MEOX2: variants seen among roughly 807,000 people sequenced by gnomAD.
MEOX2 encodes the protein mesenchyme homeobox 2.
MEOX2 carries 11 observed loss-of-function variants against 27.0 expected under a neutral mutation model. The observed-to-expected ratio is 0.41, with a 90% confidence interval of 0.26 to 0.68. The LOEUF (loss-of-function observed/expected upper bound fraction) is 0.68. Among genes scored for constraint, MEOX2 ranks in the 30% least tolerant of loss-of-function variants. The pLI, the probability that MEOX2 is intolerant of heterozygous loss-of-function variation, is 0.33. For synonymous variants in MEOX2, 189 were observed against 155.4 expected, an observed-to-expected ratio of 1.22 and a Z score of -1.61; for missense variants, 436 against 385.4, an observed-to-expected ratio of 1.13 and a Z score of -1.10.
intron 1 of MEOX2, 135 bp downstream of exon 1, chr7:15,685,751 C>T: frequency 7.8e-7 from 1 of 1,284,504 alleles, no homozygotes; most frequent in Admixed American, 2.3e-5. Context: ...CCGAATTTGG[C>T]CGCAGGAAGC....
chr7:15,622,957 A>G (rs145550068), intron 2 of MEOX2, among the ~76,000 whole-genome samples: 3 of 152,264 alleles, frequency 2.0e-5, no homozygotes, highest in East Asian at 1.9e-4. Flanking sequence ...ATGGAAGTCT[A>G]TGAAGAAGTG....
At chr7:15,677,174 A>T (rs531455035) in intron 1 of MEOX2, among the ~76,000 whole-genome samples, 1 of 152,242 alleles carries the variant, frequency 6.6e-6, no homozygotes, top group Non-Finnish European at 1.5e-5. Context: ...TTGTAATAAA[A>T]TGCAAACAGG....
At chr7:15,662,775 T>A (rs1424932962) in intron 1 of MEOX2, among the ~76,000 whole-genome samples, 1 of 152,204 alleles carries the variant, frequency 6.6e-6, no homozygotes, top group Non-Finnish European at 1.5e-5. Flanking sequence ...TATTTCGTAC[T>A]GAGATTTATA....
intron 1 of MEOX2, among the ~76,000 whole-genome samples, chr7:15,638,521 C>A (rs888015701): frequency 6.6e-6 from 1 of 151,980 alleles, no homozygotes; most frequent in African/African-American, 2.4e-5. Context: ...GGTTCAGAGG[C>A]GTACATGTGA....
intron 1 of MEOX2, among the ~76,000 whole-genome samples, chr7:15,630,488 G>C (rs890951524): frequency 6.6e-6 from 1 of 152,008 alleles, no homozygotes; most frequent in Non-Finnish European, 1.5e-5. Flanking sequence ...CTGGGTAAAC[G>C]TATTAGCTCG....
chr7:15,680,751 G>A (rs1782280592), intron 1 of MEOX2: 1 of 151,846 alleles, frequency 6.6e-6, no homozygotes, highest in African/African-American at 2.4e-5. Flanking sequence ...GAAACAAATT[G>A]TGACTACAAA....
intron 1 of MEOX2, 107 bp downstream of exon 1, chr7:15,685,779 T>G (rs1375082500): frequency 7.0e-7 from 1 of 1,433,226 alleles, no homozygotes; most frequent in Non-Finnish European, 9.3e-7. Flanking sequence ...GGCAACACAT[T>G]CCCATCTTCC....
intron 1 of MEOX2, among the ~76,000 whole-genome samples, chr7:15,659,255 T>C (rs918370905): frequency 6.6e-6 from 1 of 152,208 alleles, no homozygotes; most frequent in Admixed American, 6.5e-5. Flanking sequence ...CTAGGCAATG[T>C]TATTTTAAAA....
At chr7:15,684,352 CT>C (rs762701909) in intron 1 of MEOX2, among the ~76,000 whole-genome samples, 1 of 152,128 alleles carries the variant, frequency 6.6e-6, no homozygotes, top group Non-Finnish European at 1.5e-5. Context: ...AAATTGAAAC[CT>C]TTTTGCTATG....
At chr7:15,661,518 C>T (rs571823044) in intron 1 of MEOX2, among the ~76,000 whole-genome samples, 1 of 152,244 alleles carries the variant, frequency 6.6e-6, no homozygotes, top group South Asian at 2.1e-4. Flanking sequence ...CATCACTTTG[C>T]CAATGGGAGG....
At chr7:15,642,104 G>T (rs183406774) in intron 1 of MEOX2, among the ~76,000 whole-genome samples, 1 of 152,066 alleles carries the variant, frequency 6.6e-6, no homozygotes, top group Non-Finnish European at 1.5e-5. Context: ...TGTTCATCTT[G>T]TATGGCATCT....
At chr7:15,631,545 T>C (rs1781400919) in intron 1 of MEOX2, among the ~76,000 whole-genome samples, 1 of 151,882 alleles carries the variant, frequency 6.6e-6, no homozygotes, top group Non-Finnish European at 1.5e-5. Flanking sequence ...GCTAAAAGTT[T>C]TATGTAATAG....
intron 1 of MEOX2, among the ~76,000 whole-genome samples, chr7:15,628,458 T>C (rs1294235322): frequency 1.3e-5 from 2 of 152,140 alleles, no homozygotes; most frequent in Admixed American, 1.3e-4. Flanking sequence ...TTTCACTCAC[T>C]GGTGCACTGG....
chr7:15,630,094 T>A (rs1262544677), intron 1 of MEOX2, among the ~76,000 whole-genome samples: 2 of 152,020 alleles, frequency 1.3e-5, no homozygotes, highest in Non-Finnish European at 2.9e-5. Context: ...ACTACAATTG[T>A]TGTTTTTCGT....
At chr7:15,676,996 G>C (rs902775081) in intron 1 of MEOX2, among the ~76,000 whole-genome samples, 2 of 152,130 alleles carry the variant, frequency 1.3e-5, no homozygotes, top group Admixed American at 1.3e-4. Context: ...AAGAGGCTGT[G>C]GAATGGAAAT....
intron 1 of MEOX2, among the ~76,000 whole-genome samples, chr7:15,682,781 G>A (rs1405097771): frequency 1.3e-5 from 2 of 151,846 alleles, no homozygotes; most frequent in Admixed American, 6.6e-5. Context: ...AGAATCACCT[G>A]CTTTGTAGTG....
At chr7:15,669,034 A>G (rs1432021397) in intron 1 of MEOX2, among the ~76,000 whole-genome samples, 1 of 152,206 alleles carries the variant, frequency 6.6e-6, no homozygotes, top group East Asian at 1.9e-4. Context: ...AATTTGCAAA[A>G]AGTCAGATTT....
chr7:15,646,930 A>T (rs1430925816), intron 1 of MEOX2, among the ~76,000 whole-genome samples: 1 of 151,962 alleles, frequency 6.6e-6, no homozygotes, highest in Non-Finnish European at 1.5e-5. Flanking sequence ...TATTTGCTAC[A>T]TTAAAGGCAA....
At chr7:15,671,257 T>G (rs975321499) in intron 1 of MEOX2, among the ~76,000 whole-genome samples, 4 of 152,220 alleles carry the variant, frequency 2.6e-5, no homozygotes, top group African/African-American at 9.6e-5. Flanking sequence ...AGAAAAAAAG[T>G]AATTTTATGA....
Sources: gnomAD v4.1 joint callset for allele counts (sites outside exome capture counted in the v4.1 genomes callset) on GRCh38, gnomAD v4.1.1 for gene constraint, MANE v1.5 for transcripts, NCBI Gene and HGNC (gene_info 2026-07-23, HGNC 2026-07-21) for gene names.